KANTR: variants seen among roughly 807,000 people sequenced by gnomAD.
KANTR encodes the protein KDM5C adjacent transcript.
At chrX:53,136,575 C>T (rs1240133974) in intron 2 of KANTR, among the ~76,000 whole-genome samples, 1 of 79,027 alleles carries the variant, frequency 1.3e-5, no homozygotes, top group Non-Finnish European at 2.5e-5. Context: ...GGGTCTCACT[C>T]TGTCACTCAG....
At chrX:53,141,957 C>T (rs113755732) in exon 3 of KANTR, 79 of 421,017 alleles carry the variant, frequency 1.9e-4, no homozygotes, top group African/African-American at 1.9e-3. Context: ...GACTTTCCAA[C>T]TCTGACAGAC....
chrX:53,129,071 T>C (rs1217701007), downstream of KANTR, among the ~76,000 whole-genome samples: 3 of 95,039 alleles, frequency 3.2e-5, no homozygotes, highest in Non-Finnish European at 6.3e-5. Context: ...TCTTCTTTTT[T>C]TTTTTTTTTT....
chrX:53,138,193 C>T (rs1028355330), intron 2 of KANTR, among the ~76,000 whole-genome samples: 1 of 109,022 alleles, frequency 9.2e-6, no homozygotes, highest in East Asian at 3.0e-4. Flanking sequence ...CTCAGCCTCC[C>T]GAGTAGCTGG....
chrX:53,137,863 G>A (rs1185594924), intron 2 of KANTR, among the ~76,000 whole-genome samples: 2 of 107,148 alleles, frequency 1.9e-5, no homozygotes, highest in African/African-American at 6.8e-5. Flanking sequence ...TTTTTGTTTT[G>A]ACAGAGTTTC....
At chrX:53,139,435 A>C in intron 2 of KANTR, among the ~76,000 whole-genome samples, 2 of 111,906 alleles carry the variant, frequency 1.8e-5, no homozygotes, top group South Asian at 7.4e-4. Flanking sequence ...CAAAAGTAAG[A>C]GATAATGTGC....
intron 2 of KANTR, among the ~76,000 whole-genome samples, chrX:53,104,652 A>G (rs1932926507): frequency 9.0e-6 from 1 of 111,414 alleles, no homozygotes; most frequent in African/African-American, 3.3e-5. Flanking sequence ...TATAAATTAG[A>G]TCGTACAAGA....
chrX:53,129,235 TTGTGTGTG>T (rs57493383), downstream of KANTR, among the ~76,000 whole-genome samples: 1 of 83,370 alleles, frequency 1.2e-5, no homozygotes, highest in African/African-American at 4.3e-5. Flanking sequence ...GCCTGGCTAT[TTGTGTGTG>T]TGTGTGTGTG....
exon 3 of KANTR, chrX:53,142,543 T>C (rs2034434011): frequency 7.8e-6 from 2 of 256,963 alleles, no homozygotes; most frequent in African/African-American, 5.7e-5. Flanking sequence ...CTCAAACTCC[T>C]GACCTTGTGA....
chrX:53,143,683 G>A, downstream of KANTR: 1 of 718,163 alleles, frequency 1.4e-6, no homozygotes, highest in Non-Finnish European at 2.2e-6. Flanking sequence ...ATCCCAGATG[G>A]TGATGATGCC....
intron 2 of KANTR, among the ~76,000 whole-genome samples, chrX:53,100,497 AG>A (rs1395277685): frequency 1.1e-5 from 1 of 94,195 alleles, no homozygotes; most frequent in African/African-American, 4.0e-5. Context: ...AAAAAAGAAA[AG>A]AAAAAAAAGA....
chrX:53,106,876 G>C (rs1413740523), intron 2 of KANTR, among the ~76,000 whole-genome samples: 2 of 110,397 alleles, frequency 1.8e-5, no homozygotes, highest in Non-Finnish European at 3.8e-5. Flanking sequence ...CCAGCTACTA[G>C]AGAGGCTGAA....
chrX:53,110,923 A>C (rs191452891), intron 2 of KANTR, among the ~76,000 whole-genome samples: 1,653 of 104,357 alleles, frequency 0.016, 32 homozygotes, highest in African/African-American at 0.054. Context: ...ACTCTGTCTC[A>C]AAAAAAAAAA....
At chrX:53,136,731 T>TATATATATATATATATA (rs1491428007) in intron 2 of KANTR, among the ~76,000 whole-genome samples, 85 of 50,018 alleles carry the variant, frequency 1.7e-3, no homozygotes, top group Non-Finnish European at 2.7e-3. Flanking sequence ...TATATATATA[T>TATATATATATATATATA]TTTGTTTGTT....
At chrX:53,103,108 C>T (rs1932909191) in intron 2 of KANTR, among the ~76,000 whole-genome samples, 1 of 108,103 alleles carries the variant, frequency 9.3e-6, no homozygotes. Context: ...CCTCAGCCTC[C>T]AGAGTAGCTG....
chrX:53,122,073 A>T (rs933854185), intron 2 of KANTR, among the ~76,000 whole-genome samples: 2 of 112,358 alleles, frequency 1.8e-5, no homozygotes, highest in African/African-American at 6.5e-5. Context: ...TCAGTCACTT[A>T]TATCAGTATG....
intron 2 of KANTR, among the ~76,000 whole-genome samples, chrX:53,107,010 T>G (rs1932961237): frequency 9.1e-6 from 1 of 110,227 alleles, no homozygotes; most frequent in African/African-American, 3.4e-5. Flanking sequence ...GACTCTTAAT[T>G]CTATTCCATT....
chrX:53,136,693 C>CATATATATATATATATATATATAT (rs58263602), intron 2 of KANTR, among the ~76,000 whole-genome samples: 10 of 9,293 alleles, frequency 1.1e-3, no homozygotes, highest in East Asian at 3.4e-3. Context: ...CCACGCCCGG[C>CATATATATATATATATATATATAT]ATATATATAT....
rs990627849 is a variant in KANTR at position 53,098,979 on chromosome X, C to T, written c.-941-493C>T. 9.9e-5 allele frequency among the ~76,000 whole-genome samples: 11 copies of T among 111,268 alleles called. 1 individual carries two copies. The highest frequency in any genetic ancestry group is 3.6e-4 in the African/African-American group (11 of 30,692). On this transcript the variant is annotated intron_variant, in intron 1 of 2. Coordinates refer to ENST00000604062, the Ensembl canonical transcript of KANTR. ...GCCTCAAGTAATCCTCCTGCCTCAGCCTCCGGAGTAGCTGGGACCACAGGC... is the reference window on the plus strand; with the variant it reads ...GCCTCAAGTAATCCTCCTGCCTCAGTCTCCGGAGTAGCTGGGACCACAGGC...
rs910723300 is a variant in KANTR at position 53,125,571 on chromosome X, C to T, written c.*1068C>T. 10 of 110,605 alleles carry T rather than the reference C, an allele frequency of 9.0e-5. 1 individual carries two copies. The South Asian group carries it at 3.0e-3, about 33-fold the overall frequency. 9.1% of individuals were successfully genotyped at this position (110,605 alleles called of 1,213,427 possible). A position where few individuals can be genotyped will look rare whatever the true frequency, so the allele number is the denominator to read the frequency against. ...TTTTTTCTATTCTTTCTGTGGTTAT[C>T]CTTGATGTTTTCCATATGTGTTTAA... On this transcript the variant is annotated 3_prime_UTR_variant, in exon 3 of 3. Coordinates refer to ENST00000604062, the Ensembl canonical transcript of KANTR.
Sources: gnomAD v4.1 joint callset for allele counts (sites outside exome capture counted in the v4.1 genomes callset) on GRCh38, gnomAD v4.1.1 for gene constraint, MANE v1.5 for transcripts, NCBI Gene and HGNC (gene_info 2026-07-23, HGNC 2026-07-21) for gene names.